The following LUZP1 variants were observed in gnomAD, a reference collection of about 807,000 sequenced individuals.
The protein encoded by LUZP1 is filamin mechanobinding actin cross-linking protein.
A neutral mutation model predicts 71.3 loss-of-function variants in LUZP1; 25 were observed. The observed-to-expected ratio is 0.35, with a 90% CI of 0.26 to 0.49. The LOEUF (loss-of-function observed/expected upper bound fraction) is 0.49. LUZP1 is among the 20% of genes least tolerant of loss of function. The pLI is 0.99. For missense variants in LUZP1, 1,142 were observed against 1,300.8 expected (o/e 0.88, Z 1.88); for synonymous variants, 481 against 506.4 (o/e 0.95, Z 0.67).
intron 2 of LUZP1, among the ~76,000 whole-genome samples, chr1:23,150,744 G>A (rs1461419246): frequency 6.6e-6 from 1 of 152,102 alleles, no homozygotes; most frequent in East Asian, 1.9e-4. Context: ...AAAAACTGCT[G>A]GATACCACAG....
intron 1 of LUZP1, among the ~76,000 whole-genome samples, chr1:23,175,521 C>T (rs1644577242): frequency 6.6e-6 from 1 of 152,212 alleles, no homozygotes; most frequent in Admixed American, 6.5e-5. Context: ...CAGTCTTCCT[C>T]TCATGCATCT....
rs758632506 is a variant in LUZP1 at position 23,093,890 on chromosome 1, T to C, written c.372A>G (p.Glu124=). Residue 124 remains glutamate (E), a synonymous_variant, in exon 4 of 5, where the codon GAA becomes GAG. Coordinates refer to ENST00000302291, the Ensembl canonical transcript of LUZP1. This position sits in a 1 kb window ranked among gnomAD's most constrained non-coding sequence, Gnocchi z 4.2. ...CATTCTTACTCCTGCTGAAGGCCTC[T>C]TCTAGCTTCTCTAATTCAGCCATTC... 6.2e-6 allele frequency: 10 copies of C among 1,614,044 alleles called. No homozygotes were observed. The highest frequency in any genetic ancestry group is 8.5e-6 in the Non-Finnish European group (10 of 1,180,038).
intron 3 of LUZP1, among the ~76,000 whole-genome samples, chr1:23,098,576 A>G (rs1643906747): frequency 6.6e-6 from 1 of 152,190 alleles, no homozygotes. Flanking sequence ...TAATGCTGGA[A>G]AGAGTGACGT....
chr1:23,144,008 T>A (rs2124713960), intron 2 of LUZP1, among the ~76,000 whole-genome samples: 1 of 152,326 alleles, frequency 6.6e-6, no homozygotes, highest in South Asian at 2.1e-4. Flanking sequence ...GCTTTGATTG[T>A]TATACTCTCT....
At chr1:23,092,883 G>A in exon 4 of LUZP1, 2 of 1,613,790 alleles carry the variant, frequency 1.2e-6, no homozygotes, top group Non-Finnish European at 1.7e-6. Flanking sequence ...TTCGCTCTGG[G>A]AGGAGCCGGG....
At chr1:23,148,836 A>G (rs969807502) in intron 2 of LUZP1, among the ~76,000 whole-genome samples, 2 of 151,842 alleles carry the variant, frequency 1.3e-5, no homozygotes, top group African/African-American at 2.4e-5. Flanking sequence ...TATAATCCCA[A>G]TGCTTTGGGA....
rs1398129644 is a variant in LUZP1, at chr1:23,118,239, A to G, written c.-225-9112T>C. Among the ~76,000 whole-genome samples, 6 of 151,738 alleles carry G rather than the reference A, an allele frequency of 4.0e-5. No homozygotes were observed. The East Asian group carries it at 1.2e-3, about 29-fold the overall frequency. ...CAACATGGTGCAACCCCATCTCTAAACACAAAAATTAGCTAGGCATGGTGG... is the reference window on the plus strand; with the variant it reads ...CAACATGGTGCAACCCCATCTCTAAGCACAAAAATTAGCTAGGCATGGTGG... On this transcript the variant is annotated intron_variant, in intron 2 of 4. Transcript: ENST00000302291.
intron 2 of LUZP1, chr1:23,162,929 T>C (rs1644480499): frequency 6.6e-6 from 1 of 152,074 alleles, no homozygotes; most frequent in Non-Finnish European, 1.5e-5. Flanking sequence ...AAACAGCCAG[T>C]GATACAAAGT....
At chr1:23,175,674 G>A (rs564529403) in intron 1 of LUZP1, among the ~76,000 whole-genome samples, 135 of 152,318 alleles carry the variant, frequency 8.9e-4, no homozygotes, top group African/African-American at 3.0e-3. Flanking sequence ...AAATGGCTGA[G>A]TGCCTAACAT....
chr1:23,137,410 G>A (rs1644263247), intron 2 of LUZP1, among the ~76,000 whole-genome samples: 1 of 152,200 alleles, frequency 6.6e-6, no homozygotes, highest in Non-Finnish European at 1.5e-5. Context: ...GGAGGCTGAG[G>A]CAGGTGGATT....
intron 2 of LUZP1, among the ~76,000 whole-genome samples, chr1:23,144,418 G>A (rs540796862): frequency 6.6e-6 from 1 of 152,302 alleles, no homozygotes; most frequent in East Asian, 1.9e-4. Context: ...ACGACTGCAA[G>A]AAACTGACAC....
At chr1:23,141,971 T>C (rs1427445533) in intron 2 of LUZP1, among the ~76,000 whole-genome samples, 2 of 151,760 alleles carry the variant, frequency 1.3e-5, no homozygotes, top group East Asian at 1.9e-4. Flanking sequence ...CAGCCTCCCA[T>C]GTAGCTGGGA....
At chr1:23,158,790 A>T (rs1185066019) in intron 2 of LUZP1, among the ~76,000 whole-genome samples, 2 of 150,830 alleles carry the variant, frequency 1.3e-5, no homozygotes, top group Admixed American at 6.6e-5. Context: ...AACATGGTGA[A>T]ACACCGTCTC....
intron 2 of LUZP1, among the ~76,000 whole-genome samples, chr1:23,139,873 C>A (rs765108996): frequency 9.9e-5 from 15 of 151,502 alleles, no homozygotes; most frequent in Non-Finnish European, 2.1e-4. Flanking sequence ...TCACTTGAGC[C>A]TGGGAGGCTG....
chr1:23,134,555 G>A (rs1404020952), intron 2 of LUZP1, among the ~76,000 whole-genome samples: 3 of 152,086 alleles, frequency 2.0e-5, no homozygotes, highest in Non-Finnish European at 4.4e-5. Flanking sequence ...GAGGCAGGAG[G>A]ACTGCTTGAG....
chr1:23,124,938 T>C (rs1644159636), intron 2 of LUZP1, among the ~76,000 whole-genome samples: 1 of 151,976 alleles, frequency 6.6e-6, no homozygotes, highest in Non-Finnish European at 1.5e-5. Flanking sequence ...GCCATGACAG[T>C]AAAAAAAAGG....
At chr1:23,105,284 G>T (rs765803) in intron 3 of LUZP1, among the ~76,000 whole-genome samples, 129,403 of 152,240 alleles carry the variant, frequency 0.85, 55,297 homozygotes, top group Middle Eastern at 0.89. Context: ...TTGCATGAAC[G>T]AATCTGATAG....
At chr1:23,088,146 G>A (rs1183690611) in exon 5 of LUZP1, 3 of 152,788 alleles carry the variant, frequency 2.0e-5, no homozygotes, top group African/African-American at 7.2e-5. Context: ...TGGTGCTCAG[G>A]AAAGGAGATG....
exon 4 of LUZP1, chr1:23,092,478 G>C: frequency 6.2e-7 from 1 of 1,613,974 alleles, no homozygotes; most frequent in East Asian, 2.2e-5. Flanking sequence ...CTTGGAATTC[G>C]GGCAACTGTT....
Sources: allele counts gnomAD v4.1 joint callset (sites outside exome capture counted in the v4.1 genomes callset), GRCh38; gene constraint gnomAD v4.1.1; non-coding constraint Gnocchi (gnomAD v3.1); transcripts MANE v1.5; gene names NCBI Gene and HGNC (gene_info 2026-07-23, HGNC 2026-07-21).